The following LRP1B variants were observed in gnomAD, a reference collection of about 807,000 sequenced individuals.
LRP1B encodes the protein low-density lipoprotein receptor-related protein 1B.
LRP1B carries 217 observed loss-of-function variants against 556.6 expected under a neutral mutation model. The observed-to-expected ratio is 0.39, with a 90% CI of 0.35 to 0.44. LRP1B has a LOEUF of 0.44. Among genes scored for constraint, LRP1B ranks in the 20% least tolerant of loss-of-function variants. LRP1B has a pLI of 1.00. For missense variants in LRP1B, 5,053 were observed against 5,620.8 expected (o/e 0.90, Z 3.23); for synonymous variants, 2,047 against 1,865.8 (o/e 1.10, Z -2.50).
intron 41 of LRP1B, among the ~76,000 whole-genome samples, chr2:140,655,461 G>A (rs116056139): frequency 0.014 from 2,088 of 152,202 alleles, 39 homozygotes; most frequent in Admixed American, 0.046. Context: ...AAATTGTTCT[G>A]TCCTTTGGAT....
At chr2:141,149,852 A>T (rs187509177) in intron 7 of LRP1B, among the ~76,000 whole-genome samples, 125 of 152,360 alleles carry the variant, frequency 8.2e-4, no homozygotes, top group African/African-American at 2.8e-3. Context: ...ACAAAGTAGT[A>T]TCTGTGCTAT....
At chr2:140,407,253 G>T (rs1485344092) in intron 66 of LRP1B, among the ~76,000 whole-genome samples, 2 of 151,924 alleles carry the variant, frequency 1.3e-5, no homozygotes, top group African/African-American at 4.8e-5. Context: ...AGACAACATT[G>T]AAAAAACTAT....
At chr2:142,099,635 A>G (rs1282677198) in intron 1 of LRP1B, among the ~76,000 whole-genome samples, 4 of 151,894 alleles carry the variant, frequency 2.6e-5, no homozygotes, top group African/African-American at 9.7e-5. Flanking sequence ...CTAACACTGC[A>G]TCTCTATTGA....
At chr2:140,326,311 G>A (rs1427329368) in intron 79 of LRP1B, among the ~76,000 whole-genome samples, 2 of 151,270 alleles carry the variant, frequency 1.3e-5, no homozygotes, top group South Asian at 2.1e-4. Flanking sequence ...ATTCCTTCAC[G>A]AAGGTACAGT....
chr2:141,807,801 G>T (rs1229768869), intron 2 of LRP1B, among the ~76,000 whole-genome samples: 1 of 152,010 alleles, frequency 6.6e-6, no homozygotes, highest in Admixed American at 6.6e-5. Flanking sequence ...GCATTGCAGT[G>T]GAGATTTTGA....
chr2:142,023,265 G>A (rs1703400114), intron 1 of LRP1B, among the ~76,000 whole-genome samples: 1 of 152,098 alleles, frequency 6.6e-6, no homozygotes, highest in Admixed American at 6.6e-5. Flanking sequence ...CTTCTCTCCA[G>A]CCCATTTTCA....
chr2:141,389,368 G>A (rs1689961992), intron 3 of LRP1B, among the ~76,000 whole-genome samples: 1 of 151,994 alleles, frequency 6.6e-6, no homozygotes, highest in African/African-American at 2.4e-5. Context: ...AGTCAATGGG[G>A]GATAAATAGT....
At chr2:141,404,920 C>A (rs140109209) in intron 3 of LRP1B, among the ~76,000 whole-genome samples, 2 of 150,610 alleles carry the variant, frequency 1.3e-5, no homozygotes, top group Admixed American at 6.6e-5. Context: ...TTTTTAATGA[C>A]CATTAAAAAA....
At position 141,795,857 on chromosome 2, in the gene LRP1B, AATATATATATAT is replaced by A. The variant is rs1198211801; in HGVS notation, c.205+14410_205+14421del. Among the ~76,000 whole-genome samples, 237 of 51,592 alleles carry A rather than the reference AATATATATATAT, an allele frequency of 4.6e-3. 1 individual carries two copies. The highest frequency in any genetic ancestry group is 6.6e-3 in the Non-Finnish European group (180 of 27,196). 33.8% of individuals were successfully genotyped at this position (51,592 alleles called of 152,430 possible). On this transcript the variant is annotated intron_variant, in intron 2 of 90. Transcript: ENST00000389484. ...GAAATAGAGAATGAAAACCAGGAGCAATATATATATATATATATATATATATATATATATATA... is the reference window on the plus strand; with the variant it reads ...GAAATAGAGAATGAAAACCAGGAGCAATATATATATATATATATATATATA...
intron 60 of LRP1B, among the ~76,000 whole-genome samples, chr2:140,473,978 A>G (rs1427561740): frequency 1.3e-5 from 2 of 151,928 alleles, no homozygotes. Flanking sequence ...TGTTCTTTAA[A>G]TAACTTTTCA....
rs115352929 is a variant in LRP1B at position 140,926,236 on chromosome 2, T to C, written c.3137-3089A>G. On this transcript the variant is annotated intron_variant, in intron 20 of 90. Transcript: ENST00000389484. Reference sequence around the variant, plus strand: ...CCTAAAGAGGATAACGATTCTCTAATAATGCACATACACATCATTAATGTG... The same window carrying C: ...CCTAAAGAGGATAACGATTCTCTAACAATGCACATACACATCATTAATGTG... 5.6e-3 allele frequency among the ~76,000 whole-genome samples: 849 copies of C among 152,214 alleles called. 10 individuals are homozygous for C. Among genetic ancestry groups the C allele is most frequent in the African/African-American group, 0.019 (796 of 41,552 alleles).
chr2:140,951,626 A>T (rs989857147), intron 19 of LRP1B, among the ~76,000 whole-genome samples: 1 of 152,202 alleles, frequency 6.6e-6, no homozygotes, highest in Non-Finnish European at 1.5e-5. Flanking sequence ...TATGTCCAAC[A>T]TAACATTTGA....
At chr2:140,463,113 T>A (rs1687391277) in intron 60 of LRP1B, among the ~76,000 whole-genome samples, 1 of 152,040 alleles carries the variant, frequency 6.6e-6, no homozygotes, top group African/African-American at 2.4e-5. Flanking sequence ...CAGGATAATA[T>A]TAGATGGCGG....
Position 140,334,460 on chromosome 2 carries a change from T to C in LRP1B, c.12216A>G (p.Arg4072=). Residue 4072 remains arginine, a synonymous_variant, in exon 79 of 91, where the codon AGA becomes AGG. Transcript: ENST00000389484. ...RRILVQKNLQ[R]PTGLAVDYFS... Reference sequence around the variant, plus strand: ...GTGTGTCAGAAATCATACCTGTGGGTCTCTGTAAGTTCTTTTGTACTAAAA... The same window carrying C: ...GTGTGTCAGAAATCATACCTGTGGGCCTCTGTAAGTTCTTTTGTACTAAAA... The C allele has an allele frequency of 1.9e-6, 3 of 1,598,962 alleles. No individual in the cohort carries two copies. The highest frequency in any genetic ancestry group is 2.6e-6 in the Non-Finnish European group (3 of 1,166,960).
At chr2:141,125,280 G>A (rs750281970) in intron 7 of LRP1B, among the ~76,000 whole-genome samples, 4 of 152,114 alleles carry the variant, frequency 2.6e-5, no homozygotes, top group Admixed American at 6.6e-5. Context: ...GGTTGCTAGC[G>A]ACATCTGTTC....
At chr2:140,668,837 A>G (rs1394837410) in intron 41 of LRP1B, among the ~76,000 whole-genome samples, 6 of 151,958 alleles carry the variant, frequency 3.9e-5, no homozygotes, top group Non-Finnish European at 8.8e-5. Context: ...ACAAAGAAAA[A>G]TAAAAAATAT....
chr2:141,699,138 A>C (rs960315001), intron 2 of LRP1B, among the ~76,000 whole-genome samples: 8 of 151,822 alleles, frequency 5.3e-5, no homozygotes, highest in Non-Finnish European at 1.0e-4. Context: ...CGAAGAGAGA[A>C]ATTTAAAAAA....
intron 66 of LRP1B, 132 bp downstream of exon 66, chr2:140,442,372 G>A (rs1194915732): frequency 6.9e-6 from 8 of 1,166,802 alleles, no homozygotes; most frequent in Non-Finnish European, 2.4e-6. Flanking sequence ...ATGAATCTGT[G>A]AACACAGAGA....
intron 58 of LRP1B, among the ~76,000 whole-genome samples, chr2:140,485,854 C>CAA: frequency 7.2e-6 from 1 of 138,568 alleles, no homozygotes; most frequent in Admixed American, 7.0e-5. Flanking sequence ...CATACACACA[C>CAA]ACACACACAC....
Sources: gnomAD v4.1 joint callset for allele counts (sites outside exome capture counted in the v4.1 genomes callset) on GRCh38, gnomAD v4.1.1 for gene constraint, MANE v1.5 for transcripts, NCBI Gene and HGNC (gene_info 2026-07-23, HGNC 2026-07-21) for gene names.